AHCTF1: variants seen among roughly 807,000 people sequenced by gnomAD.
AHCTF1 encodes AT-hook containing transcription factor 1.
AHCTF1 carries 24 observed loss-of-function variants against 248.4 expected under a neutral mutation model. The observed-to-expected ratio is 0.10, with a 90% CI of 0.07 to 0.14. The LOEUF (loss-of-function observed/expected upper bound fraction) is 0.14. Ranked by LOEUF, AHCTF1 falls within the 10% of genes least tolerant of loss-of-function variation. The pLI is 1.00. For missense variants in AHCTF1, 2,206 were observed against 2,636.2 expected, an observed-to-expected ratio of 0.84 and a Z score of 3.57; for synonymous variants, 786 against 929.8, an observed-to-expected ratio of 0.85 and a Z score of 2.81.
intron 24 of AHCTF1, among the ~76,000 whole-genome samples, chr1:246,872,246 A>C (rs141689938): frequency 6.6e-6 from 1 of 152,166 alleles, no homozygotes; most frequent in Non-Finnish European, 1.5e-5. Context: ...GTACAAAATA[A>C]TACTCAGATC....
intron 11 of AHCTF1, 79 bp downstream of exon 11, chr1:246,899,372 G>T: frequency 8.0e-7 from 1 of 1,248,748 alleles, no homozygotes; most frequent in Non-Finnish European, 1.1e-6. Context: ...ATATCACTAA[G>T]TAAAACTTAA....
intron 27 of AHCTF1, among the ~76,000 whole-genome samples, chr1:246,862,680 T>C (rs959522489): frequency 9.2e-5 from 14 of 152,044 alleles, no homozygotes; most frequent in Non-Finnish European, 1.9e-4. Context: ...TCTAAAAGCA[T>C]TATTTCCAAC....
Position 246,853,276 on chromosome 1 carries a change from C to T in AHCTF1, c.4378G>A (p.Gly1460Ser). ...GAGATAGTGAGCGAGGAGTTTCCAC[C>T]ATCACCAAGGACATCAGCCATAGCT... The part of the protein sequence containing the change: ...NKSMADVLGD[G>S]GNSSLTISEG... The change falls in exon 32 of 36, where the codon GGT (glycine) becomes AGT (serine). Residue 1460 changes from glycine to serine, a missense_variant. Physicochemically the swap from Gly to Ser is moderately conservative, Grantham distance 56 (BLOSUM62 0). Transcript: ENST00000648844. 1 of 1,613,138 alleles carries T rather than the reference C, an allele frequency of 6.2e-7. No individual in the cohort carries two copies. Among genetic ancestry groups the T allele is most frequent in the Non-Finnish European group, 8.5e-7 (1 of 1,179,614 alleles).
chr1:246,907,796 A>G, intron 4 of AHCTF1, 38 bp from the exon 5 acceptor site: 4 of 1,561,956 alleles, frequency 2.6e-6, no homozygotes, highest in Non-Finnish European at 3.5e-6. Context: ...TTAAAAAACT[A>G]GAAACAGCAT....
chr1:246,890,436 TAATGG>T (rs1474223247), intron 16 of AHCTF1, among the ~76,000 whole-genome samples: 1 of 152,150 alleles, frequency 6.6e-6, no homozygotes, highest in Admixed American at 6.5e-5. Flanking sequence ...AAATAAAATC[TAATGG>T]CTTCCTGGAA....
chr1:246,846,642 G>A (rs1328182609), intron 33 of AHCTF1, among the ~76,000 whole-genome samples: 1 of 151,484 alleles, frequency 6.6e-6, no homozygotes, highest in African/African-American at 2.4e-5. Context: ...AACAGAAGAG[G>A]GTTTAAACAA....
chr1:246,907,164 A>C (rs1665450215), intron 5 of AHCTF1, among the ~76,000 whole-genome samples: 1 of 152,226 alleles, frequency 6.6e-6, no homozygotes, highest in Non-Finnish European at 1.5e-5. Context: ...GCAGGCAACT[A>C]TAACACAATG....
At chr1:246,893,946 G>A (rs1403470814) in intron 14 of AHCTF1, among the ~76,000 whole-genome samples, 1 of 152,104 alleles carries the variant, frequency 6.6e-6, no homozygotes, top group East Asian at 1.9e-4. Flanking sequence ...CTCACGCCTT[G>A]TAATACCAAC....
chr1:246,883,154 C>T (rs1663574421), intron 21 of AHCTF1, among the ~76,000 whole-genome samples: 1 of 152,150 alleles, frequency 6.6e-6, no homozygotes, highest in Non-Finnish European at 1.5e-5. Flanking sequence ...AGGGTGAGTC[C>T]GGGGAGAGTG....
intron 34 of AHCTF1, 138 bp from the exon 35 acceptor site, chr1:246,842,914 T>C (rs1015363720): frequency 1.5e-6 from 1 of 669,146 alleles, no homozygotes; most frequent in Non-Finnish European, 2.6e-6. Context: ...CCTTTTCTCA[T>C]ACCTTTTAGT....
At chr1:246,889,389 T>TAA (rs769258589) in intron 17 of AHCTF1, among the ~76,000 whole-genome samples, 5 of 152,200 alleles carry the variant, frequency 3.3e-5, no homozygotes, top group African/African-American at 4.8e-5. Flanking sequence ...CTATTTTATT[T>TAA]AGCTTTATAC....
intron 33 of AHCTF1, 121 bp downstream of exon 33, chr1:246,849,494 A>C: frequency 7.9e-7 from 1 of 1,270,334 alleles, no homozygotes; most frequent in South Asian, 1.6e-5. Context: ...TAAAAGATCA[A>C]TTTTGGTTTG....
rs35110822 is a variant in AHCTF1 at position 246,908,723 on chromosome 1, T to TAA, written c.557-967_557-966dup. Among the ~76,000 whole-genome samples the TAA allele has an allele frequency of 3.7e-3, 400 of 106,826 alleles. 2 individuals are homozygous for TAA. The highest frequency in any genetic ancestry group is 0.013 in the African/African-American group (373 of 28,724). The allele number at this position is 106,826 out of a possible 152,430, so 70.1% of individuals were successfully genotyped here. Reference sequence around the variant, plus strand: ...TAACACGGTGAAACCCAGTCTCTACTAAAAAAAAAAAAAAAAAAAAAATTA... The same window carrying TAA: ...TAACACGGTGAAACCCAGTCTCTACTAAAAAAAAAAAAAAAAAAAAAAAATTA... On this transcript the variant is annotated intron_variant, in intron 4 of 35. Transcript: ENST00000648844.
intron 1 of AHCTF1, among the ~76,000 whole-genome samples, chr1:246,919,609 A>G (rs2103232778): frequency 6.6e-6 from 1 of 151,562 alleles, no homozygotes; most frequent in South Asian, 2.1e-4. Context: ...CCTACTCGGG[A>G]GGCTGAAGCA....
At position 246,843,864 on chromosome 1, in the gene AHCTF1, G is replaced by A; in HGVS notation, c.6456C>T (p.Val2152=). 1 of 1,508,582 alleles carries A rather than the reference G, an allele frequency of 6.6e-7. No individual in the cohort carries two copies. Among genetic ancestry groups the A allele is most frequent in the South Asian group, 1.4e-5 (1 of 69,708 alleles). 93.4% of individuals were successfully genotyped at this position (1,508,582 alleles called of 1,614,324 possible). A position where few individuals can be genotyped will look rare whatever the true frequency, so the allele number is the denominator to read the frequency against. ...ELVSDLSSQF[V]ISPPALRSRQ... ...TGCTCCTTAAAGCAGGAGGTGAGAT[G>A]ACAAACTGAGAAGATAAATCCGAAA... Residue 2152 remains valine, a synonymous_variant, in exon 34 of 36, where the codon GTC becomes GTT. Transcript: ENST00000648844.
intron 13 of AHCTF1, among the ~76,000 whole-genome samples, chr1:246,895,165 C>G (rs534803758): frequency 6.6e-6 from 1 of 152,252 alleles, no homozygotes; most frequent in East Asian, 1.9e-4. Context: ...ATTCTGAGCT[C>G]TCTCTACCCT....
intron 35 of AHCTF1, among the ~76,000 whole-genome samples, chr1:246,841,821 T>A (rs1275861129): frequency 1.3e-5 from 2 of 152,106 alleles, no homozygotes; most frequent in Admixed American, 1.3e-4. Flanking sequence ...AGACAGAGTC[T>A]CAGTCTGTCA....
chr1:246,877,355 CA>C, intron 21 of AHCTF1, 53 bp from the exon 22 acceptor site: 8 of 1,485,046 alleles, frequency 5.4e-6, no homozygotes, highest in Non-Finnish European at 7.2e-6. Context: ...TTTAAATGTA[CA>C]AAACAAGAAA....
intron 17 of AHCTF1, among the ~76,000 whole-genome samples, chr1:246,889,472 T>C (rs1664062227): frequency 6.6e-6 from 1 of 152,176 alleles, no homozygotes; most frequent in Admixed American, 6.5e-5. Flanking sequence ...ACTTAGGAAA[T>C]AACAGATCTA....
Sources: gnomAD v4.1 joint callset for allele counts (sites outside exome capture counted in the v4.1 genomes callset) on GRCh38, gnomAD v4.1.1 for gene constraint, MANE v1.5 for transcripts, NCBI Gene and HGNC (gene_info 2026-07-23, HGNC 2026-07-21) for gene names.